Variants in PCDH15 observed in about 807,000 individuals in gnomAD.
PCDH15 encodes protocadherin-15.
Under a neutral mutation model 178.5 loss-of-function variants are expected in PCDH15, and 129 were observed. The ratio of observed to expected loss-of-function variants is 0.72; its 90% confidence interval spans 0.63 to 0.84. The LOEUF (loss-of-function observed/expected upper bound fraction) is 0.84. Among genes scored for constraint, PCDH15 ranks in the 40% least tolerant of loss-of-function variants. PCDH15 has a pLI of 0.00. For missense variants in PCDH15, 2,230 were observed against 2,099.9 expected, an observed-to-expected ratio of 1.06 and a Z score of -1.21; for synonymous variants, 800 against 732.0, an observed-to-expected ratio of 1.09 and a Z score of -1.50.
intron 8 of PCDH15, among the ~76,000 whole-genome samples, chr10:54,272,382 T>C (rs917523772): frequency 5.9e-5 from 9 of 152,200 alleles, no homozygotes; most frequent in African/African-American, 1.9e-4. Context: ...TTTTCATTTA[T>C]GTTTATATGC....
chr10:55,022,905 A>G (rs1287010748), intron 2 of PCDH15, among the ~76,000 whole-genome samples: 1 of 147,278 alleles, frequency 6.8e-6, no homozygotes, highest in African/African-American at 2.5e-5. Flanking sequence ...AGGCTCAGAA[A>G]AAACTTACTT....
chr10:54,338,308 A>C (rs574459750), intron 6 of PCDH15, among the ~76,000 whole-genome samples: 11 of 152,042 alleles, frequency 7.2e-5, no homozygotes, highest in African/African-American at 2.7e-4. Context: ...TACCCTGAAA[A>C]GTATTATTAA....
At chr10:54,076,906 CTG>C (rs1390401492) in intron 17 of PCDH15, among the ~76,000 whole-genome samples, 1 of 152,036 alleles carries the variant, frequency 6.6e-6, no homozygotes, top group African/African-American at 2.4e-5. Context: ...ATCCATCTGT[CTG>C]TGTTTATTAA....
At chr10:55,548,135 A>C (rs1841929982) in intron 2 of PCDH15, among the ~76,000 whole-genome samples, 1 of 151,136 alleles carries the variant, frequency 6.6e-6, no homozygotes, top group Admixed American at 6.6e-5. Flanking sequence ...CCTATTTGAG[A>C]CACCTTACCT....
Position 54,425,481 on chromosome 10 carries a change from A to ATC in PCDH15, c.158-46540_158-46539insGA, listed in dbSNP as rs1282970849. Among the ~76,000 whole-genome samples, 218 of 152,308 alleles carry ATC rather than the reference A, an allele frequency of 1.4e-3. 1 individual carries two copies. The highest frequency in any genetic ancestry group is 1.0e-3 in the Non-Finnish European group (71 of 68,024). ...TTTCCAAGCCTCCTTAGCTGTAGAA[A>ATC]ATAAATTCAGTTCTGTATAAATTAC... On this transcript the variant is annotated intron_variant, in intron 3 of 37. Transcript: ENST00000644397.
At position 53,940,991 on chromosome 10, in the gene PCDH15, A is replaced by T. The variant is rs992186847; in HGVS notation, c.3123-16T>A. 1 of 1,489,702 alleles carries T rather than the reference A, an allele frequency of 6.7e-7. No individual in the cohort carries two copies. The allele number at this position is 1,489,702 out of a possible 1,614,324, so 92.3% of individuals were successfully genotyped here. On this transcript the variant is annotated splice_polypyrimidine_tract_variant and intron_variant, in intron 23 of 37. Transcript: ENST00000644397. ...TGGAGGAGGTCTGCAGGTTTAGAGA[A>T]GATGATGTATTTATTTTTAAATATA...
intron 2 of PCDH15, among the ~76,000 whole-genome samples, chr10:55,464,942 A>G (rs1839801451): frequency 6.6e-6 from 1 of 151,750 alleles, no homozygotes; most frequent in Admixed American, 6.6e-5. Context: ...AACAACAACA[A>G]AAAAACAGTG....
intron 3 of PCDH15, among the ~76,000 whole-genome samples, chr10:54,853,448 T>TACACATACAC (rs1262709945): frequency 1.5e-5 from 2 of 135,692 alleles, no homozygotes; most frequent in South Asian, 4.7e-4. Context: ...CACATATATA[T>TACACATACAC]ATATACACAT....
At chr10:54,875,247 G>A (rs1050592770) in intron 3 of PCDH15, among the ~76,000 whole-genome samples, 2 of 151,956 alleles carry the variant, frequency 1.3e-5, no homozygotes, top group Non-Finnish European at 2.9e-5. Flanking sequence ...TTGTTTTGGG[G>A]GCATCGCAAA....
At chr10:54,918,446 A>G (rs1170189480) in intron 2 of PCDH15, among the ~76,000 whole-genome samples, 1 of 152,196 alleles carries the variant, frequency 6.6e-6, no homozygotes, top group Non-Finnish European at 1.5e-5. Context: ...AGAATGTTAA[A>G]TAGACTAAAC....
At chr10:55,193,839 A>G (rs1406942189) in intron 1 of PCDH15, among the ~76,000 whole-genome samples, 1 of 151,944 alleles carries the variant, frequency 6.6e-6, no homozygotes, top group Admixed American at 6.6e-5. Context: ...CCAGAGGTTA[A>G]TATAGACATA....
intron 2 of PCDH15, among the ~76,000 whole-genome samples, chr10:55,458,499 C>A (rs1839602184): frequency 6.6e-6 from 1 of 151,970 alleles, no homozygotes; most frequent in African/African-American, 2.4e-5. Context: ...AAGAAAAATA[C>A]AAATTTAGGG....
rs111356992 is a variant in PCDH15 at position 54,195,483 on chromosome 10, C to A, written c.1305+200G>T. On this transcript the variant is annotated intron_variant, in intron 11 of 37. Transcript: ENST00000644397. ...CTTACATATACTGAATATCTGCAAG[C>A]TGAAAAGGAATAGTTATTGAATTCA... is the stretch of plus-strand genomic sequence containing the variant. Among the ~76,000 whole-genome samples, 1,460 of 152,170 alleles carry A rather than the reference C, an allele frequency of 9.6e-3. 23 individuals are homozygous for A. Among genetic ancestry groups the A allele is most frequent in the African/African-American group, 0.033 (1,358 of 41,514 alleles).
chr10:55,402,244 T>C (rs118051164), intron 2 of PCDH15, among the ~76,000 whole-genome samples: 5,547 of 152,186 alleles, frequency 0.036, 145 homozygotes, highest in Non-Finnish European at 0.053. Flanking sequence ...TGTTTATTTA[T>C]ACCTAATAAT....
At chr10:54,264,015 G>C (rs2057504543) in intron 8 of PCDH15, among the ~76,000 whole-genome samples, 2 of 152,020 alleles carry the variant, frequency 1.3e-5, no homozygotes, top group African/African-American at 4.8e-5. Context: ...TCAGATTTTG[G>C]ACTTTTGTAC....
chr10:54,438,456 G>A (rs992236620), intron 3 of PCDH15, among the ~76,000 whole-genome samples: 16 of 151,952 alleles, frequency 1.1e-4, no homozygotes, highest in Middle Eastern at 3.4e-3. Flanking sequence ...GATACCTGAA[G>A]CCTCTTACAT....
chr10:53,863,764 G>C (rs760522938), intron 27 of PCDH15, among the ~76,000 whole-genome samples: 1 of 152,122 alleles, frequency 6.6e-6, no homozygotes, highest in Non-Finnish European at 1.5e-5. Flanking sequence ...GAGCTGCTGA[G>C]GCAATCTCCT....
intron 2 of PCDH15, among the ~76,000 whole-genome samples, chr10:55,475,853 C>T (rs1215012800): frequency 6.6e-6 from 1 of 152,100 alleles, no homozygotes; most frequent in Non-Finnish European, 1.5e-5. Context: ...CAGTAGCTTC[C>T]TAACTTATCT....
chr10:53,823,066 G>C, intron 32 of PCDH15: 1 of 1,613,996 alleles, frequency 6.2e-7, no homozygotes. Flanking sequence ...TGTATTTTGG[G>C]TGAAAATGGG....
Sources: allele counts gnomAD v4.1 joint callset (sites outside exome capture counted in the v4.1 genomes callset), GRCh38; gene constraint gnomAD v4.1.1; transcripts MANE v1.5; gene names NCBI Gene and HGNC (gene_info 2026-07-23, HGNC 2026-07-21).